The following ANKFN1 variants were observed in gnomAD, a reference collection of about 807,000 sequenced individuals.
ANKFN1 encodes the protein ankyrin repeat and fibronectin type-III domain-containing protein 1.
In ANKFN1, 74 loss-of-function variants were observed where a neutral mutation model predicts 108.7. The observed-to-expected ratio is 0.68, with a 90% CI of 0.56 to 0.83. ANKFN1 has a LOEUF of 0.83. Among genes scored for constraint, ANKFN1 ranks in the 40% least tolerant of loss-of-function variants. ANKFN1 has a pLI of 0.00. For synonymous variants in ANKFN1, 547 were observed against 516.2 expected (o/e 1.06, Z -0.81); for missense variants, 1,505 against 1,382.3 (o/e 1.09, Z -1.41).
chr17:56,216,701 C>A (rs1184389940), intron 2 of ANKFN1, among the ~76,000 whole-genome samples: 1 of 152,142 alleles, frequency 6.6e-6, no homozygotes, highest in Non-Finnish European at 1.5e-5. Context: ...ATTTTTTAAA[C>A]AAGGCACACT....
chr17:56,498,155 A>C (rs1434162684), intron 19 of ANKFN1, among the ~76,000 whole-genome samples: 1 of 152,164 alleles, frequency 6.6e-6, no homozygotes, highest in Non-Finnish European at 1.5e-5. Flanking sequence ...AGGATGTTTA[A>C]ATTATTTAAG....
intron 3 of ANKFN1, among the ~76,000 whole-genome samples, chr17:56,256,590 A>C (rs2043362952): frequency 6.6e-6 from 1 of 152,222 alleles, no homozygotes; most frequent in African/African-American, 2.4e-5. Flanking sequence ...TGATAGCTTT[A>C]GGTCACATGC....
In ANKFN1 at chr17:56,467,783, G is replaced by GAAAGAAAGAAAGAA. The variant is rs2050145430; in HGVS notation, c.1773+1222_1773+1223insAGAAAAAGAAAGAA. On this transcript the variant is annotated intron_variant, in intron 15 of 20. Coordinates refer to ENST00000682825, the MANE Select transcript of ANKFN1 (RefSeq NM_001370326.1). ...AGAAAGAAAGAAAGAAAGAAAGAAA[G>GAAAGAAAGAAAGAA]AAAGAAAGAAGAAAGAAAGAAAGAA... Among the ~76,000 whole-genome samples the GAAAGAAAGAAAGAA allele has an allele frequency of 4.4e-4, 10 of 22,862 alleles. 1 individual carries two copies. The highest frequency in any genetic ancestry group is 7.4e-4 in the African/African-American group (9 of 12,180). 15.0% of individuals were successfully genotyped at this position (22,862 alleles called of 152,430 possible). A position where few individuals can be genotyped will look rare whatever the true frequency, so the allele number is the denominator to read the frequency against.
chr17:56,052,867 A>C (rs1904802222), intron 4 of ANKFN1, among the ~76,000 whole-genome samples: 1 of 152,200 alleles, frequency 6.6e-6, no homozygotes, highest in African/African-American at 2.4e-5. Flanking sequence ...ATTGCAGAAG[A>C]GAAAAGGGTC....
At chr17:56,378,181 G>C (rs927104004) in intron 8 of ANKFN1, among the ~76,000 whole-genome samples, 2 of 152,256 alleles carry the variant, frequency 1.3e-5, no homozygotes, top group African/African-American at 4.8e-5. Flanking sequence ...TATCTCTGCC[G>C]ACCATCACCT....
chr17:56,087,876 T>A (rs1350336205), intron 4 of ANKFN1, among the ~76,000 whole-genome samples: 3 of 151,374 alleles, frequency 2.0e-5, no homozygotes, highest in Non-Finnish European at 4.4e-5. Context: ...CAAAGCCCTT[T>A]ACAGAAAGAG....
At chr17:56,415,381 A>C (rs577014098) in intron 8 of ANKFN1, among the ~76,000 whole-genome samples, 1 of 152,364 alleles carries the variant, frequency 6.6e-6, no homozygotes, top group South Asian at 2.1e-4. Context: ...GAAGATACCA[A>C]ATCAACGTAC....
chr17:56,120,210 G>A (rs1382559126), intron 4 of ANKFN1, among the ~76,000 whole-genome samples: 1 of 152,038 alleles, frequency 6.6e-6, no homozygotes, highest in Non-Finnish European at 1.5e-5. Context: ...ATAAAAGGGA[G>A]TTCCCCAGCA....
intron 4 of ANKFN1, among the ~76,000 whole-genome samples, chr17:56,104,083 G>A (rs1905697910): frequency 6.6e-6 from 1 of 152,204 alleles, no homozygotes; most frequent in African/African-American, 2.4e-5. Context: ...TTCTGAGGAT[G>A]TCTCTGTCTT....
At chr17:56,372,862 C>T in intron 7 of ANKFN1, 22 bp downstream of exon 7, 1 of 1,597,470 alleles carries the variant, frequency 6.3e-7, no homozygotes, top group Non-Finnish European at 8.5e-7. Flanking sequence ...CAGAAAATGT[C>T]TACATTTCAC....
chr17:56,157,678 A>T (rs1424999560), intron 1 of ANKFN1, among the ~76,000 whole-genome samples: 1 of 152,208 alleles, frequency 6.6e-6, no homozygotes, highest in East Asian at 1.9e-4. Flanking sequence ...AGGCTCTCCT[A>T]CATGGACTCC....
intron 1 of ANKFN1, among the ~76,000 whole-genome samples, chr17:56,193,872 G>T (rs532570057): frequency 3.3e-5 from 5 of 152,182 alleles, no homozygotes; most frequent in Non-Finnish European, 7.3e-5. Flanking sequence ...ATTTGCAAAA[G>T]ACATATCTGA....
intron 3 of ANKFN1, among the ~76,000 whole-genome samples, chr17:56,301,788 A>G (rs1238964727): frequency 6.6e-6 from 1 of 152,242 alleles, no homozygotes; most frequent in African/African-American, 2.4e-5. Context: ...GAACCAGGGT[A>G]CTGAGACTGC....
chr17:56,308,004 G>A (rs1016492844), intron 3 of ANKFN1, among the ~76,000 whole-genome samples: 18 of 152,112 alleles, frequency 1.2e-4, no homozygotes, highest in East Asian at 5.8e-4. Context: ...GAAGAGAACC[G>A]CATGTTCTCA....
Position 56,456,970 on chromosome 17 carries a change from A to G in ANKFN1, c.1307+10A>G. On this transcript the variant is annotated intron_variant, in intron 12 of 20. Coordinates refer to ENST00000682825, the MANE Select transcript of ANKFN1 (RefSeq NM_001370326.1). The stretch of plus-strand genomic sequence containing the variant: ...TGAAGACCTTAAAACGGTGGGTTCT[A>G]TGTAGTTTTTTCAGGAAATCTTAAC... 5.6e-6 allele frequency: 9 copies of G among 1,609,232 alleles called. No homozygotes were observed. Among genetic ancestry groups the G allele is most frequent in the South Asian group, 1.1e-5 (1 of 90,534 alleles).
rs1292079871 is a variant in ANKFN1 at position 56,510,496 on chromosome 17, G to A, written c.2668G>A (p.Glu890Lys). The change falls in exon 21 of 21, where the codon GAA (glutamate) becomes AAA (lysine). Residue 890 changes from glutamate to lysine, a missense_variant. Transcript: ENST00000682825. ...AGATTCACAGCCCTGCTCTGATGAA[G>A]AAGCCTGCTCAGAAGTCTTCCTCCC... is the stretch of plus-strand genomic sequence containing the variant. ...VSDSQPCSDE[E>K]ACSEVFLPTN... 1 of 1,535,994 alleles carries A rather than the reference G, an allele frequency of 6.5e-7. No homozygotes were observed. The highest frequency in any genetic ancestry group is 8.7e-7 in the Non-Finnish European group (1 of 1,146,910).
At chr17:56,455,669 T>G (rs2049666052) in intron 11 of ANKFN1, among the ~76,000 whole-genome samples, 2 of 152,212 alleles carry the variant, frequency 1.3e-5, no homozygotes, top group Admixed American at 1.3e-4. Flanking sequence ...GTAGCCCAGC[T>G]CCATGCAATA....
At chr17:56,077,610 T>C (rs80076775) in intron 4 of ANKFN1, among the ~76,000 whole-genome samples, 74 of 152,370 alleles carry the variant, frequency 4.9e-4, no homozygotes, top group African/African-American at 1.8e-3. Context: ...GTGCATTTTC[T>C]AAACCAGTCT....
intron 1 of ANKFN1, among the ~76,000 whole-genome samples, chr17:56,207,879 A>G (rs900953217): frequency 6.6e-6 from 1 of 152,198 alleles, no homozygotes; most frequent in Non-Finnish European, 1.5e-5. Context: ...CTGCCAAAAT[A>G]TCCATAGTTT....
Sources: gnomAD v4.1 joint callset for allele counts (sites outside exome capture counted in the v4.1 genomes callset) on GRCh38, gnomAD v4.1.1 for gene constraint, MANE v1.5 for transcripts, NCBI Gene and HGNC (gene_info 2026-07-23, HGNC 2026-07-21) for gene names.